The following IARS1 variants were observed in gnomAD, a reference collection of about 807,000 sequenced individuals.
IARS1 encodes the protein isoleucyl-tRNA synthetase 1.
IARS1 carries 124 observed loss-of-function variants against 168.2 expected under a neutral mutation model. The ratio of observed to expected loss-of-function variants is 0.74; its 90% confidence interval spans 0.64 to 0.86. IARS1 has a LOEUF of 0.86. Among genes scored for constraint, IARS1 ranks in the 40% least tolerant of loss-of-function variants. The probability of loss-of-function intolerance (pLI) is 0.00; values close to 1 mark genes in which losing one functional copy is unlikely to be tolerated. For synonymous variants in IARS1, 532 were observed against 529.4 expected (o/e 1.00, Z -0.07); for missense variants, 1,452 against 1,515.8 (o/e 0.96, Z 0.70).
chr9:92,268,191 T>C lies in IARS1; in HGVS notation c.1414A>G (p.Ser472Gly). 1.2e-6 allele frequency: 2 copies of C among 1,603,002 alleles called. No individual in the cohort carries two copies. The highest frequency in any genetic ancestry group is 1.7e-6 in the Non-Finnish European group (2 of 1,177,020). Residue 472 changes from serine (S) to glycine (G), a missense_variant, in exon 14 of 34, where the codon AGC becomes GGC. Transcript: ENST00000443024. ...YWGTPIPLWV[S>G]DDFEEVVCIG... ...TGCCTCACCTCCTCAAAGTCATCGC[T>C]GACCCACAGTGGGATGGGGGTGCCC...
rs1013245017 is a variant in IARS1, at chr9:92,277,853, C to A, written c.894+10G>T. On this transcript the variant is annotated intron_variant, in intron 9 of 33. Coordinates refer to ENST00000443024, the MANE Select transcript of IARS1 (RefSeq NM_002161.6). ...TGGAGAGCGCCCACAGTAGCGGTCC[C>A]TAAGCTTACCTTCAGGAAATAGTCA... 6.2e-7 allele frequency: 1 copy of A among 1,612,612 alleles called. No individual in the cohort carries two copies. The highest frequency in any genetic ancestry group is 2.2e-5 in the East Asian group (1 of 44,852).
At position 92,288,276 on chromosome 9, in the gene IARS1, G is replaced by A. The variant is rs1321848249; in HGVS notation, c.126C>T (p.Thr42=). 2 of 1,613,516 alleles carry A rather than the reference G, an allele frequency of 1.2e-6. No homozygotes were observed. Among genetic ancestry groups the A allele is most frequent in the Non-Finnish European group, 1.7e-6 (2 of 1,179,844 alleles). Residue 42 remains threonine, a synonymous_variant, in exon 3 of 34, where the codon ACC becomes ACT. Transcript: ENST00000443024. ...TTGCAAAAGGAGGACCATCATAGAA[G>A]GTAAATCTAACAGGTAATAAAAATA... is the stretch of plus-strand genomic sequence containing the variant. ...LKQSKHKPKF[T]FYDGPPFATG...
Position 92,247,391 on chromosome 9 carries a change from T to C in IARS1, c.2777A>G (p.Gln926Arg). Residue 926 changes from glutamine (Q) to arginine (R), a missense_variant, in exon 26 of 34, where the codon CAG becomes CGG. Transcript: ENST00000443024. ...TAGACACCTACCAGTCTTCTGGAAC[T>C]GCTCCAGCTCCTCACTGCTCAACTG... is the stretch of plus-strand genomic sequence containing the variant. ...IKQLSSEELE[Q>R]FQKTGTIVVE... 6.2e-7 allele frequency: 1 copy of C among 1,613,876 alleles called. No homozygotes were observed. Among genetic ancestry groups the C allele is most frequent in the Non-Finnish European group, 8.5e-7 (1 of 1,179,894 alleles).
In IARS1 at chr9:92,217,439, G is replaced by C. The variant is rs1157332109; in HGVS notation, c.3706+5081C>G. Reference sequence around the variant, plus strand: ...AACTAAAATCAGAGCAGAACTGAAGGAAATAGAGACACAAAAAACCCTTCA... The same window carrying C: ...AACTAAAATCAGAGCAGAACTGAAGCAAATAGAGACACAAAAAACCCTTCA... On this transcript the variant is annotated intron_variant, in intron 33 of 33. Transcript: ENST00000443024. 2.2e-5 allele frequency among the ~76,000 whole-genome samples: 3 copies of C among 139,370 alleles called. No homozygotes were observed. The South Asian group carries it at 6.8e-4, about 32-fold the overall frequency. The allele number at this position is 139,370 out of a possible 152,430, so 91.4% of individuals were successfully genotyped here.
intron 20 of IARS1, chr9:92,253,981 C>A (rs1830380178): frequency 6.9e-6 from 3 of 432,760 alleles, no homozygotes; most frequent in African/African-American, 4.0e-5. Flanking sequence ...CTTGTCACAA[C>A]TTGGAGGGTA....
intron 16 of IARS1, among the ~76,000 whole-genome samples, chr9:92,263,831 C>A (rs1831886092): frequency 6.6e-6 from 1 of 152,194 alleles, no homozygotes; most frequent in Non-Finnish European, 1.5e-5. Flanking sequence ...CTCAAAGGAA[C>A]AAGCTCATTG....
intron 30 of IARS1, among the ~76,000 whole-genome samples, chr9:92,232,369 C>T (rs1826852483): frequency 6.6e-6 from 1 of 152,046 alleles, no homozygotes; most frequent in Non-Finnish European, 1.5e-5. Context: ...CATAGATTTG[C>T]CAATCTATAG....
chr9:92,293,317 C>A (rs1186619160), intron 1 of IARS1: 2 of 271,578 alleles, frequency 7.4e-6, no homozygotes, highest in Non-Finnish European at 1.6e-5. Flanking sequence ...AAGTATCTCG[C>A]AGCCATTGAA....
At chr9:92,223,252 T>C (rs1839917681) in intron 32 of IARS1, 94 bp downstream of exon 32, 4 of 1,231,766 alleles carry the variant, frequency 3.2e-6, no homozygotes, top group Non-Finnish European at 3.3e-6. Flanking sequence ...AAGCAATACT[T>C]TGAAGCCGAC....
In IARS1 at chr9:92,243,211, C is replaced by T; in HGVS notation, c.3000+5G>A. The T allele has an allele frequency of 1.2e-6, 2 of 1,610,652 alleles. No homozygotes were observed. Among genetic ancestry groups the T allele is most frequent in the Non-Finnish European group, 1.7e-6 (2 of 1,177,050 alleles). On this transcript the variant is annotated splice_donor_5th_base_variant and intron_variant, in intron 28 of 33. Transcript: ENST00000443024. The stretch of plus-strand genomic sequence containing the variant: ...CAGTAGCTTATTCTTAACTGACAAA[C>T]TAACCTTTTTGCGAAGTTTCTGTAT...
At chr9:92,234,222 T>C (rs1051736201) in intron 30 of IARS1, among the ~76,000 whole-genome samples, 1 of 152,226 alleles carries the variant, frequency 6.6e-6, no homozygotes, top group African/African-American at 2.4e-5. Flanking sequence ...ATAAGCAATA[T>C]GATTTCTATT....
chr9:92,221,311 G>T (rs895817901), intron 33 of IARS1, among the ~76,000 whole-genome samples: 3 of 152,142 alleles, frequency 2.0e-5, no homozygotes, highest in African/African-American at 7.2e-5. Flanking sequence ...AGTTGGACAA[G>T]ATAATGTCTG....
chr9:92,245,978 G>A (rs760133420), intron 26 of IARS1, among the ~76,000 whole-genome samples: 1 of 151,986 alleles, frequency 6.6e-6, no homozygotes, highest in African/African-American at 2.4e-5. Context: ...GGGTTTCACC[G>A]TGTTAGCCAG....
At position 92,256,666 on chromosome 9, in the gene IARS1, C is replaced by G; in HGVS notation, c.2137+14G>C. ...AGTCCTTATTCCTGGGAGGACAGAC[C>G]AAGAGAGACTCACCTGCCATTTCAG... On this transcript the variant is annotated intron_variant, in intron 20 of 33. Coordinates refer to ENST00000443024, the MANE Select transcript of IARS1 (RefSeq NM_002161.6). The G allele has an allele frequency of 6.2e-7, 1 of 1,612,126 alleles. No individual in the cohort carries two copies. The highest frequency in any genetic ancestry group is 1.1e-5 in the South Asian group (1 of 90,790).
chr9:92,228,882 C>A, intron 31 of IARS1, 119 bp downstream of exon 31: 1 of 1,149,306 alleles, frequency 8.7e-7, no homozygotes, highest in Non-Finnish European at 1.3e-6. Context: ...AGAGTTGGGC[C>A]CTGACTCAAG....
At chr9:92,292,773 T>G (rs1053474731) in intron 1 of IARS1, among the ~76,000 whole-genome samples, 1 of 152,210 alleles carries the variant, frequency 6.6e-6, no homozygotes, top group African/African-American at 2.4e-5. Flanking sequence ...TGATATTAAC[T>G]ACATATTATT....
At chr9:92,210,911 G>A (rs1213118196) in intron 33 of IARS1, 22 bp from the exon 34 acceptor site, 4 of 1,468,106 alleles carry the variant, frequency 2.7e-6, no homozygotes, top group African/African-American at 2.8e-5. Flanking sequence ...AGAAAAAGTT[G>A]AAAAAAAATC....
rs1443540449 is a variant in IARS1, at chr9:92,270,965, C to T, written c.1205+20G>A. On this transcript the variant is annotated intron_variant, in intron 12 of 33. Coordinates refer to ENST00000443024, the MANE Select transcript of IARS1 (RefSeq NM_002161.6). ...CAGACTGGAAGCTCTAGCTACAACA[C>T]AGTCTTTGTTTCTTCTGACCTCCAG... 7.7e-6 allele frequency: 12 copies of T among 1,557,994 alleles called. No individual in the cohort carries two copies. The highest frequency in any genetic ancestry group is 1.1e-5 in the Non-Finnish European group (12 of 1,138,994).
At chr9:92,217,782 A>G (rs896359819) in intron 33 of IARS1, among the ~76,000 whole-genome samples, 45 of 152,190 alleles carry the variant, frequency 3.0e-4, no homozygotes, top group African/African-American at 9.9e-4. Context: ...GCAATAATCA[A>G]TAGCTTACCA....
Sources: allele counts gnomAD v4.1 joint callset (sites outside exome capture counted in the v4.1 genomes callset), GRCh38; gene constraint gnomAD v4.1.1; transcripts MANE v1.5; gene names NCBI Gene and HGNC (gene_info 2026-07-23, HGNC 2026-07-21).